DIP2B: variants seen among roughly 807,000 people sequenced by gnomAD.
DIP2B encodes the protein DIP2 acetate--CoA ligase B (putative), also known as disco-interacting protein 2 homolog B.
Under a neutral mutation model 198.0 loss-of-function variants are expected in DIP2B, and 76 were observed. The observed-to-expected ratio is 0.38, with a 90% CI of 0.32 to 0.46. The LOEUF (loss-of-function observed/expected upper bound fraction) is 0.46, where lower values mean the gene tolerates loss of function less well. Among genes scored for constraint, DIP2B ranks in the 20% least tolerant of loss-of-function variants. DIP2B has a pLI of 0.99. For synonymous variants in DIP2B, 701 were observed against 739.1 expected, an observed-to-expected ratio of 0.95 and a Z score of 0.84; for missense variants, 1,559 against 1,978.4, an observed-to-expected ratio of 0.79 and a Z score of 4.02.
At chr12:50,711,988 C>T (rs1939624481) in intron 22 of DIP2B, among the ~76,000 whole-genome samples, 1 of 152,062 alleles carries the variant, frequency 6.6e-6, no homozygotes, top group Non-Finnish European at 1.5e-5. Flanking sequence ...GAGCAAGACC[C>T]TTTGCTCTAC....
intron 1 of DIP2B, among the ~76,000 whole-genome samples, chr12:50,579,852 C>T (rs777212941): frequency 6.6e-6 from 1 of 151,276 alleles, no homozygotes; most frequent in Non-Finnish European, 1.5e-5. Context: ...CTTATTTCTT[C>T]TCTTTGCCTT....
At chr12:50,533,855 G>C (rs1175319881) in intron 1 of DIP2B, among the ~76,000 whole-genome samples, 1 of 152,096 alleles carries the variant, frequency 6.6e-6, no homozygotes. Context: ...CACCCAAAGT[G>C]CTGGGATTAT....
intron 3 of DIP2B, among the ~76,000 whole-genome samples, chr12:50,648,732 T>A (rs1198396994): frequency 2.0e-5 from 3 of 151,874 alleles, no homozygotes; most frequent in African/African-American, 4.8e-5. Flanking sequence ...GGCTTTTTTT[T>A]AATCCTAAAG....
At chr12:50,681,553 C>T (rs1179324204) in intron 9 of DIP2B, among the ~76,000 whole-genome samples, 2 of 152,074 alleles carry the variant, frequency 1.3e-5, no homozygotes, top group Non-Finnish European at 2.9e-5. Flanking sequence ...AGTTTTATTT[C>T]TCCTTTAATT....
chr12:50,542,371 T>C (rs182410909), intron 1 of DIP2B, among the ~76,000 whole-genome samples: 1 of 152,338 alleles, frequency 6.6e-6, no homozygotes, highest in Admixed American at 6.5e-5. Flanking sequence ...TTCATCTTTG[T>C]TGATGCATAT....
intron 22 of DIP2B, among the ~76,000 whole-genome samples, chr12:50,710,429 G>GA: frequency 6.9e-6 from 1 of 144,988 alleles, no homozygotes; most frequent in Non-Finnish European, 1.5e-5. Context: ...GTTTTGTTTT[G>GA]TTTTTTTTTT....
intron 1 of DIP2B, among the ~76,000 whole-genome samples, chr12:50,617,854 G>C (rs1937731613): frequency 6.6e-6 from 1 of 152,090 alleles, no homozygotes; most frequent in East Asian, 1.9e-4. Context: ...GTTCAGCCAG[G>C]GTCCTGTTGA....
chr12:50,552,379 G>A (rs1958434204), intron 1 of DIP2B, among the ~76,000 whole-genome samples: 1 of 151,212 alleles, frequency 6.6e-6, no homozygotes, highest in Non-Finnish European at 1.5e-5. Flanking sequence ...CCATTCTCCT[G>A]CCTCAGCCTC....
At chr12:50,568,439 G>A (rs1004806896) in intron 1 of DIP2B, among the ~76,000 whole-genome samples, 5 of 152,180 alleles carry the variant, frequency 3.3e-5, no homozygotes, top group African/African-American at 7.2e-5. Context: ...AGGGTATTTA[G>A]CCTGTACTTT....
chr12:50,699,821 C>T (rs1939385322), intron 19 of DIP2B, among the ~76,000 whole-genome samples: 1 of 150,908 alleles, frequency 6.6e-6, no homozygotes, highest in Non-Finnish European at 1.5e-5. Context: ...TATGATCATG[C>T]CACTGCATTC....
chr12:50,737,986 A>G (rs980702221), intron 35 of DIP2B, among the ~76,000 whole-genome samples: 1 of 152,114 alleles, frequency 6.6e-6, no homozygotes, highest in African/African-American at 2.4e-5. Flanking sequence ...TGCCACTTAC[A>G]AGCTTCTCAG....
chr12:50,544,144 C>T (rs1958353982), intron 1 of DIP2B, among the ~76,000 whole-genome samples: 1 of 150,856 alleles, frequency 6.6e-6, no homozygotes. Context: ...AGGGGAATCG[C>T]TTGAACCTGG....
Position 50,732,362 on chromosome 12 carries a change from G to T in DIP2B, c.3811-4G>T, listed in dbSNP as rs775221601. On this transcript the variant is annotated splice_region_variant and splice_polypyrimidine_tract_variant and intron_variant, in intron 31 of 37. Transcript: ENST00000301180. ...CTTGGCTCCCATATAATGGTGTCTT[G>T]CAGACCAGAGGGATCAACCTCTCCT... is the stretch of plus-strand genomic sequence containing the variant. The T allele has an allele frequency of 1.2e-6, 2 of 1,614,106 alleles. No homozygotes were observed. Among genetic ancestry groups the T allele is most frequent in the East Asian group, 4.5e-5 (2 of 44,880 alleles).
chr12:50,730,662 C>T (rs772024532), intron 30 of DIP2B, among the ~76,000 whole-genome samples: 1 of 152,216 alleles, frequency 6.6e-6, no homozygotes, highest in African/African-American at 2.4e-5. Context: ...ACTGGGATTA[C>T]AGGCGTGAGC....
At chr12:50,505,528 T>G (rs1198202488) in intron 1 of DIP2B, among the ~76,000 whole-genome samples, 1 of 152,110 alleles carries the variant, frequency 6.6e-6, no homozygotes, top group Non-Finnish European at 1.5e-5. Flanking sequence ...GAGACAAAGC[T>G]GCGCCCTCCC....
rs1240176788 is a variant in DIP2B, at chr12:50,721,361, A to C, written c.3131A>C (p.Asn1044Thr). Residue 1044 changes from asparagine (N) to threonine (T), a missense_variant, in exon 26 of 38, where the codon AAT (asparagine) becomes ACT (threonine). Physicochemically the swap from Asn to Thr is moderately conservative, Grantham distance 65 (BLOSUM62 0). Transcript: ENST00000301180. Reference sequence around the variant, plus strand: ...GTTCTTGGTGATAAGGGACATCTAAATGCAGGAGATAATGTGGTGTTGCTC... The same window carrying C: ...GTTCTTGGTGATAAGGGACATCTAACTGCAGGAGATAATGTGGTGTTGCTC... ...ASVLGDKGHLNAGDNVVLLYP... is the reference protein window; with the variant it reads ...ASVLGDKGHLTAGDNVVLLYP... 6.2e-7 allele frequency: 1 copy of C among 1,614,182 alleles called. No homozygotes were observed. Among genetic ancestry groups the C allele is most frequent in the South Asian group, 1.1e-5 (1 of 91,082 alleles).
chr12:50,641,483 G>A lies in DIP2B; in HGVS notation c.301+631G>A, dbSNP rs552783222. Among the ~76,000 whole-genome samples, 11 of 152,338 alleles carry A rather than the reference G, an allele frequency of 7.2e-5. No individual in the cohort carries two copies. The South Asian group carries it at 1.9e-3, about 26-fold the overall frequency. On this transcript the variant is annotated intron_variant, in intron 3 of 37. Transcript: ENST00000301180. The stretch of plus-strand genomic sequence containing the variant: ...AGAAAGTGAAGGGTTGGGTCTTGTG[G>A]GTGGTACTAGGAGACCTCAGTGGAT...
intron 1 of DIP2B, among the ~76,000 whole-genome samples, chr12:50,544,370 G>A (rs900632623): frequency 1.3e-5 from 2 of 152,164 alleles, no homozygotes; most frequent in Non-Finnish European, 2.9e-5. Flanking sequence ...GCAGTAGCAC[G>A]GTCTCAGCTC....
chr12:50,543,026 C>T (rs958000160), intron 1 of DIP2B, among the ~76,000 whole-genome samples: 6 of 151,882 alleles, frequency 4.0e-5, no homozygotes, highest in African/African-American at 1.5e-4. Flanking sequence ...TGCCACCATG[C>T]CTGGCTAATT....
Sources: allele counts gnomAD v4.1 joint callset (sites outside exome capture counted in the v4.1 genomes callset), GRCh38; gene constraint gnomAD v4.1.1; transcripts MANE v1.5; gene names NCBI Gene and HGNC (gene_info 2026-07-23, HGNC 2026-07-21).